CNTNAP2: variants seen among roughly 807,000 people sequenced by gnomAD.
The protein encoded by CNTNAP2 is contactin-associated protein-like 2.
Under a neutral mutation model 155.2 loss-of-function variants are expected in CNTNAP2, and 98 were observed. The observed-to-expected ratio is 0.63, with a 90% CI of 0.54 to 0.75. The LOEUF is 0.75. Ranked by LOEUF, CNTNAP2 falls within the 30% of genes least tolerant of loss-of-function variation. The pLI, the probability that CNTNAP2 is intolerant of heterozygous loss-of-function variation, is 0.00. For missense variants in CNTNAP2, 1,727 were observed against 1,688.1 expected (o/e 1.02, Z -0.40); for synonymous variants, 651 against 631.2 (o/e 1.03, Z -0.47).
chr7:146,279,936 A>G (rs1006332254), intron 1 of CNTNAP2, among the ~76,000 whole-genome samples: 2 of 151,720 alleles, frequency 1.3e-5, no homozygotes, highest in Admixed American at 1.3e-4. Context: ...AGTGAAAGGA[A>G]CTGTAGAATT....
chr7:147,852,430 C>T (rs781735679), intron 13 of CNTNAP2, among the ~76,000 whole-genome samples: 6 of 152,242 alleles, frequency 3.9e-5, no homozygotes, highest in African/African-American at 1.4e-4. Context: ...TTAGATGAGA[C>T]AAAACCCATA....
intron 12 of CNTNAP2, among the ~76,000 whole-genome samples, chr7:147,579,970 C>G (rs1436416578): frequency 6.6e-6 from 1 of 152,060 alleles, no homozygotes; most frequent in African/African-American, 2.4e-5. Flanking sequence ...CACAAATTGT[C>G]AAAATTGAAT....
chr7:146,299,785 G>A (rs1482488794), intron 1 of CNTNAP2, among the ~76,000 whole-genome samples: 1 of 152,094 alleles, frequency 6.6e-6, no homozygotes, highest in Non-Finnish European at 1.5e-5. Context: ...CCCTTTTAGA[G>A]AGAAATAAGT....
chr7:147,222,929 T>TGA (rs1317476930), intron 8 of CNTNAP2, among the ~76,000 whole-genome samples: 1 of 151,984 alleles, frequency 6.6e-6, no homozygotes, highest in Non-Finnish European at 1.5e-5. Flanking sequence ...CCCCAACAGG[T>TGA]TGAATTCTGG....
intron 3 of CNTNAP2, among the ~76,000 whole-genome samples, chr7:146,862,282 C>T (rs542130217): frequency 2.0e-5 from 3 of 152,194 alleles, no homozygotes; most frequent in East Asian, 3.9e-4. Flanking sequence ...ATTCCAAATA[C>T]GTTCAATTTT....
intron 8 of CNTNAP2, among the ~76,000 whole-genome samples, chr7:147,200,746 G>A (rs1584789161): frequency 6.6e-6 from 1 of 152,208 alleles, no homozygotes; most frequent in Non-Finnish European, 1.5e-5. Flanking sequence ...TATGTTCTGT[G>A]TATGCAGGAG....
chr7:147,865,216 T>C (rs1330070442), intron 13 of CNTNAP2, among the ~76,000 whole-genome samples: 1 of 152,194 alleles, frequency 6.6e-6, no homozygotes, highest in African/African-American at 2.4e-5. Flanking sequence ...TCTGTTTATG[T>C]GATGGATTAC....
intron 8 of CNTNAP2, among the ~76,000 whole-genome samples, chr7:147,273,339 G>A (rs886642131): frequency 6.6e-6 from 1 of 152,076 alleles, no homozygotes; most frequent in Non-Finnish European, 1.5e-5. Flanking sequence ...TGTATATACT[G>A]AAGAGCAACA....
At chr7:147,792,709 T>C (rs1346582983) in intron 13 of CNTNAP2, among the ~76,000 whole-genome samples, 2 of 152,202 alleles carry the variant, frequency 1.3e-5, no homozygotes, top group Admixed American at 6.5e-5. Context: ...ATTTTCTTCA[T>C]ATATATTGAT....
intron 12 of CNTNAP2, among the ~76,000 whole-genome samples, chr7:147,594,108 G>A (rs367936516): frequency 1.4e-5 from 2 of 147,642 alleles, no homozygotes; most frequent in Non-Finnish European, 3.0e-5. Context: ...GAGAGGATTT[G>A]CCACCCTCTG....
At chr7:147,074,464 C>T (rs935523841) in intron 4 of CNTNAP2, among the ~76,000 whole-genome samples, 5 of 152,084 alleles carry the variant, frequency 3.3e-5, no homozygotes, top group Non-Finnish European at 5.9e-5. Flanking sequence ...CTATGGTTGA[C>T]CAGTTAGCAT....
intron 2 of CNTNAP2, among the ~76,000 whole-genome samples, chr7:146,807,629 C>T (rs1179381634): frequency 1.3e-5 from 2 of 152,048 alleles, no homozygotes; most frequent in Admixed American, 6.6e-5. Flanking sequence ...ACCTAACCCA[C>T]GCTTTGGAAC....
intron 9 of CNTNAP2, among the ~76,000 whole-genome samples, chr7:147,338,788 A>G (rs1795706852): frequency 6.6e-6 from 1 of 151,810 alleles, no homozygotes; most frequent in African/African-American, 2.4e-5. Context: ...CAACACAAAT[A>G]TTTGCTAATA....
At chr7:146,140,118 A>G (rs1381299096) in intron 1 of CNTNAP2, among the ~76,000 whole-genome samples, 3 of 152,066 alleles carry the variant, frequency 2.0e-5, no homozygotes, top group Admixed American at 1.3e-4. Flanking sequence ...GTATCAGACT[A>G]TGACTCAATG....
intron 13 of CNTNAP2, among the ~76,000 whole-genome samples, chr7:147,839,811 T>A (rs569774084): frequency 1.3e-5 from 2 of 152,130 alleles, no homozygotes; most frequent in South Asian, 4.1e-4. Flanking sequence ...GCAGCACTAT[T>A]CACAATAGCA....
At chr7:147,637,529 G>GCT (rs1180900795) in intron 12 of CNTNAP2, among the ~76,000 whole-genome samples, 31 of 152,032 alleles carry the variant, frequency 2.0e-4, no homozygotes, top group African/African-American at 6.3e-4. Flanking sequence ...TCTCTCTTGC[G>GCT]CTCTGTCTCT....
chr7:147,465,891 A>G (rs1798111639), intron 10 of CNTNAP2, among the ~76,000 whole-genome samples: 1 of 152,092 alleles, frequency 6.6e-6, no homozygotes, highest in Non-Finnish European at 1.5e-5. Flanking sequence ...TCTGAATACA[A>G]GTCAATATTC....
chr7:148,047,293 T>G (rs1045149673), intron 15 of CNTNAP2, among the ~76,000 whole-genome samples: 1 of 152,236 alleles, frequency 6.6e-6, no homozygotes, highest in Non-Finnish European at 1.5e-5. Context: ...TCACAGTATA[T>G]TCATCAACCT....
chr7:148,071,057 A>G (rs961190319), intron 15 of CNTNAP2, among the ~76,000 whole-genome samples: 1 of 152,208 alleles, frequency 6.6e-6, no homozygotes. Context: ...ATTTTCTAAC[A>G]ATGTTTATCA....
Sources: allele counts gnomAD v4.1 joint callset (sites outside exome capture counted in the v4.1 genomes callset), GRCh38; gene constraint gnomAD v4.1.1; transcripts MANE v1.5; gene names NCBI Gene and HGNC (gene_info 2026-07-23, HGNC 2026-07-21).